XDH: variants seen among roughly 807,000 people sequenced by gnomAD.
XDH encodes xanthine dehydrogenase/oxidase.
Under a neutral mutation model 156.1 loss-of-function variants are expected in XDH, and 138 were observed. The observed-to-expected ratio is 0.88, with a 90% CI of 0.77 to 1.02. The LOEUF is 1.02. Among genes scored for constraint, XDH ranks in the 50% least tolerant of loss-of-function variants. The pLI is 0.00. For synonymous variants in XDH, 669 were observed against 625.7 expected (o/e 1.07, Z -1.03); for missense variants, 1,849 against 1,684.9 (o/e 1.10, Z -1.71).
chr2:31,364,511 T>A (rs1366906141), intron 23 of XDH, among the ~76,000 whole-genome samples: 1 of 151,452 alleles, frequency 6.6e-6, no homozygotes, highest in Non-Finnish European at 1.5e-5. Context: ...TACCGGCACC[T>A]GGCTTCTGGT....
At chr2:31,367,559 A>G (rs922478230) in intron 20 of XDH, among the ~76,000 whole-genome samples, 14 of 152,082 alleles carry the variant, frequency 9.2e-5, no homozygotes, top group Non-Finnish European at 1.9e-4. Context: ...GTGGAGGGAG[A>G]GCAGGGCAAA....
intron 9 of XDH, among the ~76,000 whole-genome samples, chr2:31,385,548 C>A (rs772289225): frequency 6.6e-6 from 1 of 152,186 alleles, no homozygotes; most frequent in African/African-American, 2.4e-5. Context: ...CCCTCCACAG[C>A]AGAGGTCCTC....
chr2:31,347,662 G>C lies in XDH; in HGVS notation c.3148-12C>G, dbSNP rs773169148. 3 of 1,613,042 alleles carry C rather than the reference G, an allele frequency of 1.9e-6. No individual in the cohort carries two copies. The highest frequency in any genetic ancestry group is 2.5e-6 in the Non-Finnish European group (3 of 1,179,246). ...GCTCTACTGGCCACCTGCGAAAAGA[G>C]AAGACATTGCCCTCTAGGGAAGGGG... On this transcript the variant is annotated splice_polypyrimidine_tract_variant and intron_variant, in intron 28 of 35. Coordinates refer to ENST00000379416, the MANE Select transcript of XDH (RefSeq NM_000379.4).
Position 31,344,715 on chromosome 2 carries a change from T to C in XDH, c.3373A>G (p.Thr1125Ala), listed in dbSNP as rs1685233482. Residue 1125 changes from threonine (T) to alanine (A), a missense_variant, in exon 31 of 36, where the codon ACA (threonine) becomes GCA (alanine). Thr to Ala is a moderately conservative substitution (Grantham distance 58). Transcript: ENST00000379416. ...AACCCAGTGGCAGACAAGCTCACTG[T>C]GTCCATGTAGGCAGCTGTGACCTGA... ...EDWVTAAYMD[T>A]VSLSATGFYR... The C allele has an allele frequency of 1.2e-6, 2 of 1,614,124 alleles. No individual in the cohort carries two copies. Among genetic ancestry groups the C allele is most frequent in the Non-Finnish European group, 8.5e-7 (1 of 1,180,020 alleles).
At position 31,391,163 on chromosome 2, in the gene XDH, G is replaced by A. The variant is rs45531335; in HGVS notation, c.496-2868C>T. 3.2e-3 allele frequency among the ~76,000 whole-genome samples: 493 copies of A among 152,140 alleles called. 11 individuals are homozygous for A. The highest frequency in any genetic ancestry group is 0.026 in the Admixed American group (401 of 15,278). On this transcript the variant is annotated intron_variant, in intron 6 of 35. Transcript: ENST00000379416. ...ATTTTGAGAAGTGTATAAGGTCTGTGTTTAGATTCATTTTTTTTTGTATGT... is the reference window on the plus strand; with the variant it reads ...ATTTTGAGAAGTGTATAAGGTCTGTATTTAGATTCATTTTTTTTTGTATGT...
intron 20 of XDH, among the ~76,000 whole-genome samples, chr2:31,367,620 G>A (rs1572533882): frequency 6.6e-6 from 1 of 152,138 alleles, no homozygotes; most frequent in African/African-American, 2.4e-5. Flanking sequence ...CTGCCTTCAG[G>A]TAGGGGGAGG....
intron 25 of XDH, 41 bp downstream of exon 25, chr2:31,349,991 T>A: frequency 6.2e-7 from 1 of 1,612,738 alleles, no homozygotes; most frequent in Non-Finnish European, 8.5e-7. Context: ...CCCGAAGTAG[T>A]CTAAAGCACT....
chr2:31,381,723 C>T lies in XDH; in HGVS notation c.1042G>A (p.Val348Ile), dbSNP rs192453952. 137 of 1,612,864 alleles carry T rather than the reference C, an allele frequency of 8.5e-5. No homozygotes were observed. In the East Asian group the frequency reaches 2.1e-3, roughly 25 times the overall value. The change falls in exon 12 of 36, where the codon GTT (valine) becomes ATT (isoleucine). Residue 348 changes from valine to isoleucine, a missense_variant. Val to Ile is a conservative substitution (Grantham distance 29). Coordinates refer to ENST00000379416, the MANE Select transcript of XDH (RefSeq NM_000379.4). Reference sequence around the variant, plus strand: ...CTGGCAGTGATGATGTTCCCTCCAACGGACTAAAACAAGCAGAGAGCATGC... The same window carrying T: ...CTGGCAGTGATGATGTTCCCTCCAATGGACTAAAACAAGCAGAGAGCATGC... ...AGKQVKSVASVGGNIITASPI... is the reference protein window; with the variant it reads ...AGKQVKSVASIGGNIITASPI...
chr2:31,346,103 T>C (rs1453497061), intron 30 of XDH, among the ~76,000 whole-genome samples: 1 of 152,176 alleles, frequency 6.6e-6, no homozygotes, highest in East Asian at 1.9e-4. Context: ...TCTGCCCAGT[T>C]CTACCACTCC....
At chr2:31,346,954 G>A in intron 29 of XDH, 111 bp from the exon 30 acceptor site, 1 of 1,433,732 alleles carries the variant, frequency 7.0e-7, no homozygotes, top group Non-Finnish European at 9.8e-7. Context: ...TGTACCCAGG[G>A]TGCCACTCAA....
chr2:31,397,837 T>G, intron 5 of XDH, 108 bp from the exon 6 acceptor site: 1 of 1,272,180 alleles, frequency 7.9e-7, no homozygotes, highest in Non-Finnish European at 1.1e-6. Context: ...CCAGGCTGCA[T>G]ATTCTGTTAC....
chr2:31,402,723 A>G (rs74511714), intron 3 of XDH, among the ~76,000 whole-genome samples: 3 of 152,184 alleles, frequency 2.0e-5, no homozygotes, highest in African/African-American at 7.2e-5. Flanking sequence ...AACCTGGGGC[A>G]TACTGTGCAG....
intron 6 of XDH, among the ~76,000 whole-genome samples, chr2:31,396,921 C>T (rs1686923996): frequency 6.6e-6 from 1 of 152,190 alleles, no homozygotes; most frequent in African/African-American, 2.4e-5. Context: ...GATGCTCCAA[C>T]CCTAAAGGTG....
intron 6 of XDH, among the ~76,000 whole-genome samples, chr2:31,389,853 A>AAG (rs1553311253): frequency 1.3e-5 from 2 of 150,874 alleles, no homozygotes; most frequent in African/African-American, 4.9e-5. Context: ...TAAAAAAAAA[A>AAG]GTTTTTTTTT....
At chr2:31,366,245 C>G (rs1649929123) in intron 21 of XDH, 136 bp from the exon 22 acceptor site, 1 of 1,516,326 alleles carries the variant, frequency 6.6e-7, no homozygotes, top group East Asian at 2.3e-5. Flanking sequence ...AAATCCCATG[C>G]AGCTTTGTGG....
chr2:31,390,948 C>T (rs1480390449), intron 6 of XDH, among the ~76,000 whole-genome samples: 1 of 152,018 alleles, frequency 6.6e-6, no homozygotes, highest in Non-Finnish European at 1.5e-5. Flanking sequence ...CCCAGTGTAC[C>T]GCTTGTCTCC....
chr2:31,364,359 A>G lies in XDH; in HGVS notation c.2545-115T>C, dbSNP rs1685853258. The G allele has an allele frequency of 2.9e-6, 3 of 1,045,498 alleles. No individual in the cohort carries two copies. In the South Asian group the frequency reaches 3.9e-5, roughly 14 times the overall value. 64.8% of individuals were successfully genotyped at this position (1,045,498 alleles called of 1,614,324 possible). On this transcript the variant is annotated intron_variant, in intron 23 of 35. Transcript: ENST00000379416. The stretch of plus-strand genomic sequence containing the variant: ...ACCTGGAGGAAATAAACAGAACACC[A>G]CATCATCCCGTGAAAAAAAGGTGAC...
chr2:31,350,307 C>T, intron 24 of XDH, 84 bp from the exon 25 acceptor site: 1 of 1,406,810 alleles, frequency 7.1e-7, no homozygotes, highest in South Asian at 1.2e-5. Context: ...GGGCTGTATC[C>T]ATTGCCTGCC....
rs751838816 is a variant in XDH, at chr2:31,383,049, G to A, written c.990C>T (p.Val330=). The change falls in exon 11 of 36, where the codon GTC becomes GTT. Residue 330 remains valine (V), a synonymous_variant. Coordinates refer to ENST00000379416, the MANE Select transcript of XDH (RefSeq NM_000379.4). ...PAQKTEVFRG[V]LEQLRWFAGK... is the part of the protein sequence containing the mutation. ...CAGCAAACCAGCGCAGCTGCTCCAG[G>A]ACCCCTCTGAACACCTCTGTCTTTT... is the stretch of plus-strand genomic sequence containing the variant. The A allele has an allele frequency of 6.2e-7, 1 of 1,614,106 alleles. No individual in the cohort carries two copies. The highest frequency in any genetic ancestry group is 1.1e-5 in the South Asian group (1 of 91,072).
Sources: gnomAD v4.1 joint callset for allele counts (sites outside exome capture counted in the v4.1 genomes callset) on GRCh38, gnomAD v4.1.1 for gene constraint, MANE v1.5 for transcripts, NCBI Gene and HGNC (gene_info 2026-07-23, HGNC 2026-07-21) for gene names.